The following CMIP variants were observed in gnomAD, a reference collection of about 807,000 sequenced individuals.
CMIP encodes c-Maf inducing protein.
A neutral mutation model predicts 97.3 loss-of-function variants in CMIP; 13 were observed. That is an observed-to-expected ratio of 0.13 (90% CI 0.09 to 0.21). The LOEUF is 0.21. CMIP is among the 10% of genes least tolerant of loss of function. CMIP has a pLI of 1.00. For synonymous variants in CMIP, 538 were observed against 436.3 expected, an observed-to-expected ratio of 1.23 and a Z score of -2.91; for missense variants, 847 against 1,024.9, an observed-to-expected ratio of 0.83 and a Z score of 2.37.
At chr16:81,509,217 C>G (rs1395660657) in intron 1 of CMIP, among the ~76,000 whole-genome samples, 1 of 152,200 alleles carries the variant, frequency 6.6e-6, no homozygotes, top group Non-Finnish European at 1.5e-5. Context: ...CATTGCCCCA[C>G]AGGGCTCTCT....
At chr16:81,629,722 G>A (rs2092127881) in intron 3 of CMIP, among the ~76,000 whole-genome samples, 1 of 152,222 alleles carries the variant, frequency 6.6e-6, no homozygotes. Context: ...GCCAAGGCAT[G>A]GCAGCTCAGA....
At chr16:81,615,465 ATG>A (rs1349104836) in intron 2 of CMIP, among the ~76,000 whole-genome samples, 1 of 108,164 alleles carries the variant, frequency 9.2e-6, no homozygotes, top group Non-Finnish European at 1.9e-5. Flanking sequence ...TGTGTGGTGT[ATG>A]TGTATTTGTG....
chr16:81,670,078 G>A lies in CMIP; in HGVS notation c.826-64G>A, dbSNP rs373582293. On this transcript the variant is annotated intron_variant, in intron 7 of 20. Coordinates refer to ENST00000537098, the MANE Select transcript of CMIP (RefSeq NM_198390.3). ...GTCCCGCCCTTCTTTCTGGTGTCCTGGCTGCCCTGGGCTCCTGCCCTGCCT... is the reference window on the plus strand; with the variant it reads ...GTCCCGCCCTTCTTTCTGGTGTCCTAGCTGCCCTGGGCTCCTGCCCTGCCT... The A allele has an allele frequency of 1.2e-3, 1,762 of 1,494,654 alleles. 34 individuals carry two copies. The South Asian group carries it at 0.02, about 17-fold the overall frequency. The allele number at this position is 1,494,654 out of a possible 1,614,324, so 92.6% of individuals were successfully genotyped here. A position where few individuals can be genotyped will look rare whatever the true frequency, so the allele number is the denominator to read the frequency against.
At chr16:81,691,991 CT>C (rs1447482659) in intron 11 of CMIP, among the ~76,000 whole-genome samples, 151 bp downstream of exon 11, 1 of 152,168 alleles carries the variant, frequency 6.6e-6, no homozygotes, top group Non-Finnish European at 1.5e-5. Flanking sequence ...CAGCCACGTC[CT>C]CAGCTGTGGG....
chr16:81,470,949 CACAT>C lies in CMIP; in HGVS notation c.300+25410_300+25413del, dbSNP rs998497427. 1.4e-3 allele frequency among the ~76,000 whole-genome samples: 207 copies of C among 152,336 alleles called. 2 individuals are homozygous for C. The highest frequency in any genetic ancestry group is 4.4e-4 in the Non-Finnish European group (30 of 68,034). On this transcript the variant is annotated intron_variant, in intron 1 of 20. Coordinates refer to ENST00000537098, the MANE Select transcript of CMIP (RefSeq NM_198390.3). ...ATTGGTGTACATACACATAGGCACA[CACAT>C]ATGCATACACACATGCACACAGGCA...
intron 3 of CMIP, among the ~76,000 whole-genome samples, chr16:81,626,775 CAG>C (rs141984782): frequency 0.095 from 10,281 of 108,756 alleles, 980 homozygotes; most frequent in South Asian, 0.13. Context: ...TGTGGAGTGA[CAG>C]AGAGAGAGAG....
chr16:81,701,367 A>G (rs1907380579), intron 15 of CMIP, among the ~76,000 whole-genome samples: 1 of 152,130 alleles, frequency 6.6e-6, no homozygotes, highest in Admixed American at 6.5e-5. Context: ...GGGGCCTGCA[A>G]ACATCCCCCG....
chr16:81,605,758 C>G (rs2091733094), intron 1 of CMIP, among the ~76,000 whole-genome samples: 1 of 152,238 alleles, frequency 6.6e-6, no homozygotes, highest in Non-Finnish European at 1.5e-5. Flanking sequence ...GCCCTTGCCA[C>G]TCTCCAATAG....
intron 1 of CMIP, among the ~76,000 whole-genome samples, chr16:81,514,228 C>T (rs1597492676): frequency 6.6e-6 from 1 of 152,112 alleles, no homozygotes; most frequent in Non-Finnish European, 1.5e-5. Context: ...GTAGGTGTCC[C>T]AGCCCATGCA....
At chr16:81,460,497 T>C (rs576756287) in intron 1 of CMIP, among the ~76,000 whole-genome samples, 3 of 152,302 alleles carry the variant, frequency 2.0e-5, no homozygotes, top group African/African-American at 7.2e-5. Flanking sequence ...CCCAGGTTTT[T>C]GCAGTGAAAG....
chr16:81,509,949 C>T (rs955379235), intron 1 of CMIP, among the ~76,000 whole-genome samples: 14 of 152,206 alleles, frequency 9.2e-5, no homozygotes, highest in African/African-American at 3.4e-4. Flanking sequence ...CCTGCCCTCA[C>T]GGAGAAGTCC....
Position 81,621,010 on chromosome 16 carries a change from A to AGTTCTCCACTTTC in CMIP, c.477+84_477+85insGTTCTCCACTTTC. On this transcript the variant is annotated intron_variant, in intron 3 of 20. Coordinates refer to ENST00000537098, the MANE Select transcript of CMIP (RefSeq NM_198390.3). This position sits in a 1 kb window ranked among gnomAD's most constrained non-coding sequence, Gnocchi z 4.1. ...AGCCAATCTGTCACCCAGAGGCATG[A>AGTTCTCCACTTTC]AAGTGGAGAACTCATGCCTTCCAGA... 1 of 1,555,230 alleles carries AGTTCTCCACTTTC rather than the reference A, an allele frequency of 6.4e-7. No individual in the cohort carries two copies. Among genetic ancestry groups the AGTTCTCCACTTTC allele is most frequent in the Non-Finnish European group, 8.8e-7 (1 of 1,133,140 alleles).
chr16:81,654,040 C>T (rs4888162), intron 4 of CMIP, among the ~76,000 whole-genome samples: 66,643 of 152,010 alleles, frequency 0.44, 14,984 homozygotes, highest in Middle Eastern at 0.63. Flanking sequence ...AGTTGCCAAG[C>T]GCTTTTGAGA....
intron 1 of CMIP, among the ~76,000 whole-genome samples, chr16:81,468,283 T>A (rs1339653764): frequency 6.6e-6 from 1 of 152,196 alleles, no homozygotes; most frequent in Admixed American, 6.5e-5. Flanking sequence ...GTGTGCTCAC[T>A]CTCCCACTGC....
rs185696820 is a variant in CMIP, at chr16:81,603,852, G to A, written c.301-3715G>A. 1.2e-4 allele frequency among the ~76,000 whole-genome samples: 18 copies of A among 152,262 alleles called. No homozygotes were observed. The East Asian group carries it at 2.3e-3, about 20-fold the overall frequency. Reference sequence around the variant, plus strand: ...TTCTCAAAATAGTTCGTTTGATTGCGTTCTTTAGTTTGTTCCAGGTACTGT... The same window carrying A: ...TTCTCAAAATAGTTCGTTTGATTGCATTCTTTAGTTTGTTCCAGGTACTGT... On this transcript the variant is annotated intron_variant, in intron 1 of 20. Coordinates refer to ENST00000537098, the MANE Select transcript of CMIP (RefSeq NM_198390.3).
At chr16:81,626,782 AGAGAGAGT>A (rs745595446) in intron 3 of CMIP, among the ~76,000 whole-genome samples, 3,095 of 66,592 alleles carry the variant, frequency 0.046, 120 homozygotes, top group African/African-American at 0.14. Flanking sequence ...TGACAGAGAG[AGAGAGAGT>A]GTGTGTGTGT....
Position 81,660,868 on chromosome 16 carries a change from G to A in CMIP, c.682-16G>A. 4 of 1,613,828 alleles carry A rather than the reference G, an allele frequency of 2.5e-6. No individual in the cohort carries two copies. The highest frequency in any genetic ancestry group is 1.1e-5 in the South Asian group (1 of 91,070). On this transcript the variant is annotated splice_polypyrimidine_tract_variant and intron_variant, in intron 5 of 20. Transcript: ENST00000537098. The stretch of plus-strand genomic sequence containing the variant: ...ATCTACCCCACGGTTCCTGATGCTT[G>A]TTTGTTGTGTTTCAGGCAATCGCTC...
intron 10 of CMIP, among the ~76,000 whole-genome samples, chr16:81,684,231 G>A (rs534858379): frequency 9.2e-5 from 14 of 152,366 alleles, no homozygotes; most frequent in African/African-American, 3.1e-4. Context: ...CTCCGGCCTC[G>A]CGGGTAACAG....
In CMIP at chr16:81,531,317, G is replaced by A. The variant is rs550334202; in HGVS notation, c.301-76250G>A. Among the ~76,000 whole-genome samples, 31 of 152,300 alleles carry A rather than the reference G, an allele frequency of 2.0e-4. 1 individual carries two copies. The highest frequency in any genetic ancestry group is 6.3e-4 in the African/African-American group (26 of 41,556). On this transcript the variant is annotated intron_variant, in intron 1 of 20. Coordinates refer to ENST00000537098, the MANE Select transcript of CMIP (RefSeq NM_198390.3). ...AGCCCCAGAAGCTGAGAGAGGTGTG[G>A]AGCAGATCCTGCCTCAGAGCCTCCG...
Sources: gnomAD v4.1 joint callset for allele counts (sites outside exome capture counted in the v4.1 genomes callset) on GRCh38, gnomAD v4.1.1 for gene constraint, Gnocchi (gnomAD v3.1) non-coding constraint, MANE v1.5 for transcripts, NCBI Gene and HGNC (gene_info 2026-07-23, HGNC 2026-07-21) for gene names.